The following FAM135B variants were observed in gnomAD, a reference collection of about 807,000 sequenced individuals.
FAM135B encodes protein FAM135B.
FAM135B carries 43 observed loss-of-function variants against 127.7 expected under a neutral mutation model. The ratio of observed to expected loss-of-function variants is 0.34; its 90% CI spans 0.26 to 0.43. The LOEUF (loss-of-function observed/expected upper bound fraction) is 0.43, where lower values mean the gene tolerates loss of function less well. Ranked by LOEUF, FAM135B falls within the 20% of genes least tolerant of loss-of-function variation. The pLI, the probability that FAM135B is intolerant of heterozygous loss-of-function variation, is 1.00. For synonymous variants in FAM135B, 670 were observed against 665.1 expected, an observed-to-expected ratio of 1.01 and a Z score of -0.11; for missense variants, 1,558 against 1,725.6, an observed-to-expected ratio of 0.90 and a Z score of 1.72.
chr8:138,290,633 A>T (rs1035396502), intron 3 of FAM135B, among the ~76,000 whole-genome samples: 1 of 151,978 alleles, frequency 6.6e-6, no homozygotes, highest in Non-Finnish European at 1.5e-5. Flanking sequence ...TTTACTCCTG[A>T]TGGTTTATTT....
At chr8:138,361,338 T>C (rs1830407640) in intron 2 of FAM135B, among the ~76,000 whole-genome samples, 1 of 152,146 alleles carries the variant, frequency 6.6e-6, no homozygotes, top group Non-Finnish European at 1.5e-5. Flanking sequence ...AATCATCTTC[T>C]ATTACTATCA....
intron 12 of FAM135B, among the ~76,000 whole-genome samples, chr8:138,154,088 C>T (rs1459000283): frequency 6.6e-6 from 1 of 152,188 alleles, no homozygotes; most frequent in African/African-American, 2.4e-5. Context: ...TGAGACGAAG[C>T]TTCCAGTGGA....
intron 1 of FAM135B, among the ~76,000 whole-genome samples, chr8:138,413,397 A>G (rs1048251221): frequency 1.3e-5 from 2 of 152,148 alleles, no homozygotes; most frequent in African/African-American, 4.8e-5. Context: ...TAATGATACC[A>G]CTTTAAAGTT....
chr8:138,314,801 G>A (rs1826954055), intron 2 of FAM135B, among the ~76,000 whole-genome samples: 1 of 146,958 alleles, frequency 6.8e-6, no homozygotes, highest in African/African-American at 2.5e-5. Flanking sequence ...AATCACTTGA[G>A]AACAGGAGGT....
At chr8:138,291,681 CA>C (rs1000855373) in intron 3 of FAM135B, among the ~76,000 whole-genome samples, 8 of 152,054 alleles carry the variant, frequency 5.3e-5, no homozygotes, top group African/African-American at 1.9e-4. Context: ...GAATGAAAGA[CA>C]AAAACCATAT....
intron 4 of FAM135B, among the ~76,000 whole-genome samples, chr8:138,264,200 G>A (rs117538201): frequency 2.6e-3 from 391 of 152,300 alleles, no homozygotes; most frequent in South Asian, 4.8e-3. Flanking sequence ...TGGCATGCCT[G>A]AATCTTCCTC....
chr8:138,463,742 T>G (rs1191506810), intron 1 of FAM135B, among the ~76,000 whole-genome samples: 3 of 152,130 alleles, frequency 2.0e-5, no homozygotes, highest in Non-Finnish European at 4.4e-5. Flanking sequence ...AGATGTAATC[T>G]AAGATGCTGC....
intron 4 of FAM135B, among the ~76,000 whole-genome samples, chr8:138,257,076 T>A (rs935034307): frequency 1.3e-5 from 2 of 152,196 alleles, no homozygotes; most frequent in Non-Finnish European, 2.9e-5. Context: ...TAGAATCCCA[T>A]CTGGGGCAAG....
intron 7 of FAM135B, among the ~76,000 whole-genome samples, chr8:138,205,287 A>G (rs758195050): frequency 6.6e-6 from 1 of 152,196 alleles, no homozygotes; most frequent in Non-Finnish European, 1.5e-5. Context: ...TCTCAATGGC[A>G]AGAAAGTGGC....
At chr8:138,224,790 A>T (rs1049835809) in intron 7 of FAM135B, among the ~76,000 whole-genome samples, 12 of 152,266 alleles carry the variant, frequency 7.9e-5, no homozygotes, top group African/African-American at 2.6e-4. Context: ...ACCCTGAAGG[A>T]CATTATTAAA....
rs1245785891 is a variant in FAM135B at position 138,243,137 on chromosome 8, C to A, written c.543-69G>T. On this transcript the variant is annotated intron_variant, in intron 6 of 19. Coordinates refer to ENST00000395297, the MANE Select transcript of FAM135B (RefSeq NM_015912.4). This position sits in a 1 kb window ranked among gnomAD's most constrained non-coding sequence, Gnocchi z 7.5. ...AGTGATGGTGCCATTAACTCAGCCC[C>A]TTTGAGGAGTGTTCCTGTGAAGCAT... is the stretch of plus-strand genomic sequence containing the variant. The A allele has an allele frequency of 6.5e-7, 1 of 1,530,574 alleles. No individual in the cohort carries two copies. Among genetic ancestry groups the A allele is most frequent in the Non-Finnish European group, 8.8e-7 (1 of 1,138,762 alleles). The allele number at this position is 1,530,574 out of a possible 1,614,324, so 94.8% of individuals were successfully genotyped here. A position where few individuals can be genotyped will look rare whatever the true frequency, so the allele number is the denominator to read the frequency against.
rs1289540051 is a variant in FAM135B at position 138,497,143 on chromosome 8, C to T, written c.-492G>A. Among the ~76,000 whole-genome samples the T allele has an allele frequency of 6.6e-6, 1 of 151,408 alleles. No homozygotes were observed. The highest frequency in any genetic ancestry group is 1.5e-5 in the Non-Finnish European group (1 of 67,820). ...CACTCCTCTCCTTCCTCCGCCGGGACGCGGCCAGACCCTCCGCGCCGCGCC... is the reference window on the plus strand; with the variant it reads ...CACTCCTCTCCTTCCTCCGCCGGGATGCGGCCAGACCCTCCGCGCCGCGCC... On this transcript the variant is annotated 5_prime_UTR_variant, in exon 1 of 20. Transcript: ENST00000395297.
chr8:138,279,415 T>C (rs1240885489), intron 3 of FAM135B, among the ~76,000 whole-genome samples: 2 of 152,188 alleles, frequency 1.3e-5, no homozygotes, highest in Admixed American at 6.5e-5. Context: ...GATAGCATCA[T>C]CCTCACCTCA....
At chr8:138,456,742 C>G (rs1392023947) in intron 1 of FAM135B, among the ~76,000 whole-genome samples, 2 of 152,122 alleles carry the variant, frequency 1.3e-5, no homozygotes, top group Non-Finnish European at 2.9e-5. Flanking sequence ...TCTTTAGAAG[C>G]ACATTTTTCT....
chr8:138,180,703 A>G (rs1193906730), intron 9 of FAM135B, among the ~76,000 whole-genome samples: 1 of 152,194 alleles, frequency 6.6e-6, no homozygotes, highest in Non-Finnish European at 1.5e-5. Flanking sequence ...TTGCTTTATC[A>G]TGGATGACTT....
Position 138,153,132 on chromosome 8 carries a change from C to G in FAM135B, c.1343G>C (p.Cys448Ser), listed in dbSNP as rs1818341429. The change falls in exon 13 of 20, where the codon TGT (cysteine) becomes TCT (serine). Residue 448 changes from cysteine to serine, a missense_variant. Around this residue, in one of 5 missense-constraint regions of FAM135B, gnomAD observed 923 missense variants for 865.3 expected, o/e 1.07. Coordinates refer to ENST00000395297, the MANE Select transcript of FAM135B (RefSeq NM_015912.4). ...AAAAGATAAATTGCTATTTACCATA[C>G]AGTTATCTTCCTTGTCTTTCAGATT... ...IMNLKDKEDN[C>S]MVNSNLSFRE... The G allele has an allele frequency of 6.2e-7, 1 of 1,612,732 alleles. No homozygotes were observed.
chr8:138,374,782 C>A (rs896595894), intron 1 of FAM135B, among the ~76,000 whole-genome samples: 10 of 152,148 alleles, frequency 6.6e-5, no homozygotes, highest in African/African-American at 2.2e-4. Context: ...CCACTTCTGT[C>A]GGGCTGAGTC....
intron 11 of FAM135B, among the ~76,000 whole-genome samples, chr8:138,170,176 T>C (rs1317519148): frequency 1.3e-5 from 2 of 151,628 alleles, no homozygotes; most frequent in East Asian, 3.9e-4. Flanking sequence ...AGTTGCAGGA[T>C]AGTTGTGTCA....
At chr8:138,374,800 A>G (rs1242670610) in intron 1 of FAM135B, among the ~76,000 whole-genome samples, 1 of 152,220 alleles carries the variant, frequency 6.6e-6, no homozygotes, top group Admixed American at 6.5e-5. Flanking sequence ...GTCCAGGCAC[A>G]GGGTTCTGAG....
Sources: allele counts gnomAD v4.1 joint callset (sites outside exome capture counted in the v4.1 genomes callset), GRCh38; gene constraint gnomAD v4.1.1; regional missense constraint gnomAD v4.1.1; non-coding constraint Gnocchi (gnomAD v3.1); transcripts MANE v1.5; gene names NCBI Gene and HGNC (gene_info 2026-07-23, HGNC 2026-07-21).